Variants in BACH2 observed in about 807,000 individuals in gnomAD.
BACH2 encodes the protein transcription regulator protein BACH2.
In BACH2, 5 loss-of-function variants were observed where a neutral mutation model predicts 61.8. The ratio of observed to expected loss-of-function variants is 0.08; its 90% CI spans 0.04 to 0.17. BACH2 has a LOEUF of 0.17. Among genes scored for constraint, BACH2 ranks in the 10% least tolerant of loss-of-function variants. BACH2 has a pLI of 1.00. For missense variants in BACH2, 824 were observed against 1,091.1 expected (o/e 0.76, Z 3.45); for synonymous variants, 446 against 440.1 (o/e 1.01, Z -0.17).
chr6:90,127,467 G>A (rs1021320084), intron 4 of BACH2, among the ~76,000 whole-genome samples: 8 of 152,266 alleles, frequency 5.3e-5, no homozygotes, highest in South Asian at 2.1e-4. Context: ...TTATTATACC[G>A]CCTTGGCAGA....
At chr6:90,125,179 A>C (rs1783794532) in intron 4 of BACH2, among the ~76,000 whole-genome samples, 1 of 152,202 alleles carries the variant, frequency 6.6e-6, no homozygotes, top group Admixed American at 6.5e-5. Flanking sequence ...AGGAAGAGAG[A>C]AGAAAATGTG....
At chr6:90,185,030 G>A (rs906884162) in intron 4 of BACH2, among the ~76,000 whole-genome samples, 17 of 152,136 alleles carry the variant, frequency 1.1e-4, no homozygotes, top group African/African-American at 4.1e-4. Flanking sequence ...AATGTCAGCC[G>A]GTATGAATGG....
At chr6:90,111,755 C>G (rs1783182377) in intron 4 of BACH2, among the ~76,000 whole-genome samples, 1 of 152,220 alleles carries the variant, frequency 6.6e-6, no homozygotes, top group South Asian at 2.1e-4. Flanking sequence ...ATATTGTTCA[C>G]TAATTTGACA....
chr6:89,993,429 A>C (rs1197359180), intron 6 of BACH2, among the ~76,000 whole-genome samples: 4 of 152,210 alleles, frequency 2.6e-5, no homozygotes, highest in African/African-American at 9.6e-5. Context: ...AAAAAGTGAT[A>C]AAAAAGTGAA....
At chr6:90,288,745 T>C (rs571944016) in intron 1 of BACH2, among the ~76,000 whole-genome samples, 1 of 152,194 alleles carries the variant, frequency 6.6e-6, no homozygotes, top group African/African-American at 2.4e-5. Context: ...GTAGCTAATA[T>C]TTCTAATTAG....
intron 5 of BACH2, among the ~76,000 whole-genome samples, chr6:90,041,957 A>G (rs1467556018): frequency 6.6e-6 from 1 of 151,620 alleles, no homozygotes; most frequent in African/African-American, 2.4e-5. Flanking sequence ...TAATTCATTT[A>G]TTTCTATTTT....
At chr6:89,966,653 G>T (rs1775064156) in intron 6 of BACH2, among the ~76,000 whole-genome samples, 1 of 152,192 alleles carries the variant, frequency 6.6e-6, no homozygotes, top group Non-Finnish European at 1.5e-5. Context: ...TCTGTCAAGG[G>T]AGGAAATGAA....
chr6:90,068,545 C>T (rs1194501851), intron 5 of BACH2, among the ~76,000 whole-genome samples: 2 of 152,082 alleles, frequency 1.3e-5, no homozygotes, highest in African/African-American at 4.8e-5. Flanking sequence ...CATAAGCTGA[C>T]CCAAGAGTCA....
chr6:90,218,812 C>A (rs556440390), intron 3 of BACH2, among the ~76,000 whole-genome samples: 1 of 152,116 alleles, frequency 6.6e-6, no homozygotes, highest in Non-Finnish European at 1.5e-5. Flanking sequence ...ACAGAAACTT[C>A]AAATGCAGGG....
At chr6:90,279,584 A>T (rs987114664) in intron 1 of BACH2, among the ~76,000 whole-genome samples, 6 of 151,988 alleles carry the variant, frequency 3.9e-5, no homozygotes, top group African/African-American at 1.4e-4. Context: ...GTCATACATT[A>T]TCTCATCTAG....
chr6:89,943,880 C>T (rs73492691), intron 7 of BACH2, among the ~76,000 whole-genome samples: 82 of 152,252 alleles, frequency 5.4e-4, no homozygotes, highest in African/African-American at 1.7e-3. Flanking sequence ...GTCAGCTCTC[C>T]GAAGTCTTTA....
chr6:90,255,839 G>A (rs1037748994), intron 2 of BACH2, among the ~76,000 whole-genome samples: 4 of 152,280 alleles, frequency 2.6e-5, no homozygotes, highest in South Asian at 4.1e-4. Context: ...AGGGTCCAAC[G>A]TGAAGCAGGA....
intron 4 of BACH2, among the ~76,000 whole-genome samples, chr6:90,203,391 CAAAAAAA>C (rs34539345): frequency 8.4e-5 from 5 of 59,790 alleles, no homozygotes; most frequent in Middle Eastern, 0.011. Flanking sequence ...TCTCTCTCTC[CAAAAAAA>C]AAAAAAAAAA....
chr6:90,049,265 C>T (rs1312413359), intron 5 of BACH2, among the ~76,000 whole-genome samples: 2 of 152,042 alleles, frequency 1.3e-5, no homozygotes, highest in African/African-American at 2.4e-5. Flanking sequence ...GAAAAACAGA[C>T]AATAAATGTA....
intron 5 of BACH2, among the ~76,000 whole-genome samples, chr6:90,040,521 A>ATT (rs555439690): frequency 6.9e-6 from 1 of 145,470 alleles, no homozygotes; most frequent in East Asian, 2.0e-4. Flanking sequence ...GCTATTTTTG[A>ATT]TTTTTTTTTT....
At chr6:90,106,735 T>C (rs149499460) in intron 4 of BACH2, among the ~76,000 whole-genome samples, 1 of 151,740 alleles carries the variant, frequency 6.6e-6, no homozygotes, top group Non-Finnish European at 1.5e-5. Context: ...TAAATACCTC[T>C]AATGAGAAGA....
At chr6:89,980,564 C>T (rs916996593) in intron 6 of BACH2, among the ~76,000 whole-genome samples, 46 of 152,204 alleles carry the variant, frequency 3.0e-4, no homozygotes, top group African/African-American at 1.1e-3. Flanking sequence ...ATGTTATGAC[C>T]TGGTACAGTG....
chr6:90,205,510 G>T, intron 4 of BACH2, among the ~76,000 whole-genome samples: 1 of 152,128 alleles, frequency 6.6e-6, no homozygotes, highest in South Asian at 2.1e-4. Context: ...AAGGGAAGGG[G>T]ATGCTACAAA....
At chr6:89,979,541 T>C (rs1775839171) in intron 6 of BACH2, among the ~76,000 whole-genome samples, 1 of 152,198 alleles carries the variant, frequency 6.6e-6, no homozygotes, top group African/African-American at 2.4e-5. Flanking sequence ...TCCCATCTAC[T>C]GAAATTCTAC....
Sources: gnomAD v4.1 joint callset for allele counts (sites outside exome capture counted in the v4.1 genomes callset) on GRCh38, gnomAD v4.1.1 for gene constraint, MANE v1.5 for transcripts, NCBI Gene and HGNC (gene_info 2026-07-23, HGNC 2026-07-21) for gene names.